Variants in PER2 observed in about 807,000 individuals in gnomAD.
PER2 encodes period circadian protein homolog 2.
Under a neutral mutation model 121.0 loss-of-function variants are expected in PER2, and 66 were observed. That is an observed-to-expected ratio of 0.55 (90% CI 0.45 to 0.67). The LOEUF (loss-of-function observed/expected upper bound fraction) is 0.67, where lower values mean the gene tolerates loss of function less well. Ranked by LOEUF, PER2 falls within the 30% of genes least tolerant of loss-of-function variation. The pLI is 0.00. For synonymous variants in PER2, 684 were observed against 659.9 expected (o/e 1.04, Z -0.56); for missense variants, 1,521 against 1,635.0 (o/e 0.93, Z 1.20).
rs767688264 is a variant in PER2, at chr2:238,258,419, C to G, written c.1776-19G>C. The G allele has an allele frequency of 6.2e-7, 1 of 1,614,150 alleles. No homozygotes were observed. The highest frequency in any genetic ancestry group is 1.1e-5 in the South Asian group (1 of 91,084). On this transcript the variant is annotated intron_variant, in intron 15 of 22. Coordinates refer to ENST00000254657, the MANE Select transcript of PER2 (RefSeq NM_022817.3). ...CAAGTACCTGTGTGAAAGGCATGAA[C>G]CACTGGTGAGGCCACACAACATGAG...
intron 1 of PER2, among the ~76,000 whole-genome samples, chr2:238,285,594 A>C (rs1696758273): frequency 1.3e-5 from 2 of 152,232 alleles, no homozygotes; most frequent in African/African-American, 4.8e-5. Context: ...ATCAGAAATC[A>C]GTGTTCAATC....
upstream of PER2, among the ~76,000 whole-genome samples, chr2:238,294,473 G>C (rs112267575): frequency 3.2e-4 from 48 of 152,308 alleles, no homozygotes; most frequent in African/African-American, 1.2e-3. Context: ...TCATACTTGA[G>C]TATGGCTGTC....
chr2:238,247,473 C>A (rs578076483), intron 22 of PER2: 3 of 152,382 alleles, frequency 2.0e-5, no homozygotes, highest in South Asian at 4.1e-4. Context: ...TAGAAGTACC[C>A]AGCTAAGCCG....
Position 238,271,579 on chromosome 2 carries a change from G to A in PER2, c.571-66C>T, listed in dbSNP as rs1304894862. 4 of 1,298,804 alleles carry A rather than the reference G, an allele frequency of 3.1e-6. No individual in the cohort carries two copies. The Admixed American group carries it at 6.9e-5, about 22-fold the overall frequency. 80.5% of individuals were successfully genotyped at this position (1,298,804 alleles called of 1,614,324 possible). On this transcript the variant is annotated intron_variant, in intron 5 of 22. Coordinates refer to ENST00000254657, the MANE Select transcript of PER2 (RefSeq NM_022817.3). The stretch of plus-strand genomic sequence containing the variant: ...GTGTCGGACGCCACATCCGACTCAG[G>A]CAGGCAGGCTGGAGGGAGCCGCCCA...
At chr2:238,271,211 G>A (rs1359257619) in intron 6 of PER2, 101 bp downstream of exon 6, 27 of 1,034,108 alleles carry the variant, frequency 2.6e-5, no homozygotes, top group Non-Finnish European at 3.7e-5. Flanking sequence ...GGTGGGCTCT[G>A]AAAGGTGAGG....
chr2:238,277,958 G>A lies in PER2; in HGVS notation c.-19-3C>T. ...TCATGCTGGGCTCTGGAACGAAGCT[G>A]GCAAACAGAGGGATGCTGTCACGCA... On this transcript the variant is annotated splice_polypyrimidine_tract_variant and splice_region_variant and intron_variant, in intron 1 of 22. Transcript: ENST00000254657. 6.2e-7 allele frequency: 1 copy of A among 1,610,764 alleles called. No individual in the cohort carries two copies. Among genetic ancestry groups the A allele is most frequent in the South Asian group, 1.1e-5 (1 of 90,636 alleles).
intron 21 of PER2, among the ~76,000 whole-genome samples, 195 bp downstream of exon 21, chr2:238,250,356 C>G (rs777769411): frequency 1.9e-4 from 29 of 152,278 alleles, no homozygotes; most frequent in Non-Finnish European, 8.8e-5. Context: ...CCTGGCCACA[C>G]TGCAGGGCCA....
chr2:238,283,831 C>T (rs1288019517), intron 1 of PER2, among the ~76,000 whole-genome samples: 2 of 152,208 alleles, frequency 1.3e-5, no homozygotes, highest in Non-Finnish European at 2.9e-5. Flanking sequence ...ACCCTGGACA[C>T]CACCCATCTC....
At chr2:238,275,940 G>A (rs10462023) in intron 3 of PER2, 43 bp from the exon 4 acceptor site, 560,058 of 1,606,298 alleles carry the variant, frequency 0.35, 102,916 homozygotes, top group Non-Finnish European at 0.38. Context: ...TAGCTTCCTA[G>A]GTGTCCTTTC....
At chr2:238,297,094 A>G in the PER2 span, among the ~76,000 whole-genome samples, 1 of 152,222 alleles carries the variant, frequency 6.6e-6, no homozygotes. Flanking sequence ...TGAGACAGGA[A>G]CGAGGAGCAA....
chr2:238,253,818 G>C lies in PER2; in HGVS notation c.2321-116C>G. 3.7e-6 allele frequency: 3 copies of C among 817,180 alleles called. No homozygotes were observed. In the South Asian group the frequency reaches 4.4e-5, roughly 12 times the overall value. The allele number at this position is 817,180 out of a possible 1,614,324, so 50.6% of individuals were successfully genotyped here. ...TGGCCCAGGGCCTGCCTGGTCCACC[G>C]AGCGGTTTTCCCTGATCCTCAGTGA... is the stretch of plus-strand genomic sequence containing the variant. On this transcript the variant is annotated intron_variant, in intron 18 of 22. Coordinates refer to ENST00000254657, the MANE Select transcript of PER2 (RefSeq NM_022817.3). The surrounding 1 kb of genome is among the most constrained non-coding windows in gnomAD (Gnocchi z 5.6).
In PER2 at chr2:238,253,823, GT is replaced by G. The variant is rs997176897; in HGVS notation, c.2321-122del. On this transcript the variant is annotated intron_variant, in intron 18 of 22. Transcript: ENST00000254657. This position sits in a 1 kb window ranked among gnomAD's most constrained non-coding sequence, Gnocchi z 5.6. ...CAGGGCCTGCCTGGTCCACCGAGCGGTTTTCCCTGATCCTCAGTGAAGTGAG... is the reference window on the plus strand; with the variant it reads ...CAGGGCCTGCCTGGTCCACCGAGCGGTTTCCCTGATCCTCAGTGAAGTGAG... The G allele has an allele frequency of 1.3e-6, 1 of 767,304 alleles. No individual in the cohort carries two copies. The highest frequency in any genetic ancestry group is 2.2e-6 in the Non-Finnish European group (1 of 451,818). The allele number at this position is 767,304 out of a possible 1,614,324, so 47.5% of individuals were successfully genotyped here.
In PER2 at chr2:238,271,495, C is replaced by A. The variant is rs765414747; in HGVS notation, c.589G>T (p.Val197Leu). The change falls in exon 6 of 23, where the codon GTG becomes TTG. Residue 197 changes from valine to leucine, a missense_variant. Val to Leu is a conservative substitution (Grantham distance 32, BLOSUM62 1). Transcript: ENST00000254657. ...AGGATCTTCCCAGACACCAGGGACA[C>A]GGCCACCGCAAACATATCCTGAAAA... ...VKNADMFAVA[V>L]SLVSGKILYI... is the part of the protein sequence containing the mutation. The A allele has an allele frequency of 4.3e-6, 7 of 1,612,688 alleles. No individual in the cohort carries two copies. Among genetic ancestry groups the A allele is most frequent in the Non-Finnish European group, 5.1e-6 (6 of 1,179,066 alleles).
intron 4 of PER2, among the ~76,000 whole-genome samples, chr2:238,273,883 G>GTC (rs1166226551): frequency 6.6e-6 from 1 of 152,182 alleles, no homozygotes; most frequent in Non-Finnish European, 1.5e-5. Context: ...GGCCAGGATG[G>GTC]TCTCGATCTC....
chr2:238,262,901 A>C (rs1340117624), intron 10 of PER2, 51 bp downstream of exon 10: 2 of 1,266,862 alleles, frequency 1.6e-6, no homozygotes, highest in Admixed American at 1.8e-5. Context: ...CCCCAAGGAC[A>C]CAGGAACTTC....
chr2:238,294,845 T>C (rs1697017200), upstream of PER2, among the ~76,000 whole-genome samples: 1 of 152,182 alleles, frequency 6.6e-6, no homozygotes, highest in Non-Finnish European at 1.5e-5. Flanking sequence ...CCAAACATTC[T>C]CCCCACCCAA....
chr2:238,258,390 T>C lies in PER2; in HGVS notation c.1786A>G (p.Ser596Gly), dbSNP rs1360602939. ...TTCAGGGTGGCAGCCTCATTGCAGC[T>C]CTCCAAGTACCTGTGTGAAAGGCAT... is the stretch of plus-strand genomic sequence containing the variant. ...CLDSVIRYLESCNEAATLKRK... is the reference protein window; with the variant it reads ...CLDSVIRYLEGCNEAATLKRK... The change falls in exon 16 of 23, where the codon AGC (serine) becomes GGC (glycine). Residue 596 changes from serine to glycine, a missense_variant. By Grantham distance (56) the Ser-to-Gly change is moderately conservative (BLOSUM62 0). Coordinates refer to ENST00000254657, the MANE Select transcript of PER2 (RefSeq NM_022817.3). 6.2e-7 allele frequency: 1 copy of C among 1,614,024 alleles called. No individual in the cohort carries two copies. The highest frequency in any genetic ancestry group is 8.5e-7 in the Non-Finnish European group (1 of 1,180,008).
intron 9 of PER2, 38 bp downstream of exon 9, chr2:238,265,474 C>A (rs372512795): frequency 2.9e-6 from 4 of 1,373,142 alleles, no homozygotes; most frequent in Non-Finnish European, 4.2e-6. Flanking sequence ...GCTTTTATAT[C>A]AAAAACATGA....
At position 238,277,706 on chromosome 2, in the gene PER2, C is replaced by T; in HGVS notation, c.230+1G>A. ...TCCATCTGGCCAGAGGCTGAACTCA[C>T]CTCTGGCGGGCATCCGGTGGCTCCA... is the stretch of plus-strand genomic sequence containing the variant. On this transcript the variant is annotated splice_donor_variant, in intron 2 of 22. Coordinates refer to ENST00000254657, the MANE Select transcript of PER2 (RefSeq NM_022817.3). LOFTEE classifies it high-confidence loss of function. The T allele has an allele frequency of 6.2e-7, 1 of 1,614,124 alleles. No individual in the cohort carries two copies. The highest frequency in any genetic ancestry group is 8.5e-7 in the Non-Finnish European group (1 of 1,180,028).
Sources: allele counts gnomAD v4.1 joint callset (sites outside exome capture counted in the v4.1 genomes callset), GRCh38; gene constraint gnomAD v4.1.1; non-coding constraint Gnocchi (gnomAD v3.1); transcripts MANE v1.5; gene names NCBI Gene and HGNC (gene_info 2026-07-23, HGNC 2026-07-21).